Variants in CPA6 observed in about 807,000 individuals in gnomAD.
CPA6 encodes the protein carboxypeptidase A6, also known as carboxypeptidase B.
In CPA6, 58 loss-of-function variants were observed where a neutral mutation model predicts 63.3. The observed-to-expected ratio is 0.92, with a 90% confidence interval of 0.74 to 1.14. CPA6 has a LOEUF of 1.14. Ranked by LOEUF, CPA6 falls within the 50% of genes most tolerant of loss-of-function variation. The pLI, the probability that CPA6 is intolerant of heterozygous loss-of-function variation, is 0.00. For missense variants in CPA6, 565 were observed against 526.6 expected, an observed-to-expected ratio of 1.07 and a Z score of -0.71; for synonymous variants, 185 against 179.0, an observed-to-expected ratio of 1.03 and a Z score of -0.27.
intron 2 of CPA6, among the ~76,000 whole-genome samples, chr8:67,600,790 T>C (rs1814475787): frequency 6.6e-6 from 1 of 152,192 alleles, no homozygotes; most frequent in Non-Finnish European, 1.5e-5. Flanking sequence ...TAGTTGAATA[T>C]AACAAAAAAT....
chr8:67,496,529 A>G (rs1042770558), intron 6 of CPA6, among the ~76,000 whole-genome samples: 2 of 128,170 alleles, frequency 1.6e-5, no homozygotes, highest in Non-Finnish European at 3.2e-5. Flanking sequence ...TTATATATAT[A>G]TATATATATA....
At chr8:67,453,477 C>T (rs928055674) in intron 8 of CPA6, among the ~76,000 whole-genome samples, 2 of 151,924 alleles carry the variant, frequency 1.3e-5, no homozygotes, top group East Asian at 3.8e-4. Context: ...TATTAGATAC[C>T]CCCAGTGAAG....
intron 2 of CPA6, among the ~76,000 whole-genome samples, chr8:67,566,581 T>G (rs1813341320): frequency 6.6e-6 from 1 of 152,234 alleles, no homozygotes; most frequent in African/African-American, 2.4e-5. Context: ...TAGATACTTC[T>G]GCTGTCTCCT....
chr8:67,450,301 G>T (rs1344402517), intron 8 of CPA6, among the ~76,000 whole-genome samples: 2 of 152,086 alleles, frequency 1.3e-5, no homozygotes, highest in Non-Finnish European at 1.5e-5. Flanking sequence ...AACAAGTAAT[G>T]GCTCTCTATT....
chr8:67,474,788 C>T (rs1188532272), intron 8 of CPA6, among the ~76,000 whole-genome samples: 1 of 152,000 alleles, frequency 6.6e-6, no homozygotes, highest in Non-Finnish European at 1.5e-5. Flanking sequence ...CCAGCCTGGG[C>T]AATATAGTGA....
intron 1 of CPA6, among the ~76,000 whole-genome samples, chr8:67,726,380 G>GC (rs746308088): frequency 6.6e-6 from 1 of 152,114 alleles, no homozygotes; most frequent in East Asian, 1.9e-4. Flanking sequence ...AGAAAAAATA[G>GC]CCCCTAGCCT....
At chr8:67,444,043 G>C (rs568893280) in intron 8 of CPA6, among the ~76,000 whole-genome samples, 153 of 150,880 alleles carry the variant, frequency 1.0e-3, no homozygotes, top group Non-Finnish European at 2.0e-3. Flanking sequence ...CCAGGCTGGA[G>C]TGCAGTGGTG....
intron 8 of CPA6, among the ~76,000 whole-genome samples, chr8:67,468,493 G>A (rs1481551916): frequency 6.6e-6 from 1 of 151,950 alleles, no homozygotes; most frequent in Non-Finnish European, 1.5e-5. Flanking sequence ...GGCTGAGGCA[G>A]GAGAATCGCT....
At chr8:67,716,599 G>C (rs1251367962) in intron 1 of CPA6, among the ~76,000 whole-genome samples, 1 of 152,212 alleles carries the variant, frequency 6.6e-6, no homozygotes, top group Non-Finnish European at 1.5e-5. Context: ...AAGATGAACA[G>C]AAGAATGGCT....
In CPA6 at chr8:67,422,428, T is replaced by C; in HGVS notation, c.*76A>G. 1 of 1,334,048 alleles carries C rather than the reference T, an allele frequency of 7.5e-7. No homozygotes were observed. The highest frequency in any genetic ancestry group is 1.0e-6 in the Non-Finnish European group (1 of 959,356). The allele number at this position is 1,334,048 out of a possible 1,614,324, so 82.6% of individuals were successfully genotyped here. A position where few individuals can be genotyped will look rare whatever the true frequency, so the allele number is the denominator to read the frequency against. ...CACTCTAAGCAGCTGCCCTTCTCTTTGAAAACAATTTCTATCCAGGGCCAA... is the reference window on the plus strand; with the variant it reads ...CACTCTAAGCAGCTGCCCTTCTCTTCGAAAACAATTTCTATCCAGGGCCAA... On this transcript the variant is annotated 3_prime_UTR_variant, in exon 11 of 11. Transcript: ENST00000297770.
chr8:67,633,680 C>CAA (rs35134242), intron 1 of CPA6, among the ~76,000 whole-genome samples: 8,481 of 111,784 alleles, frequency 0.076, 368 homozygotes, highest in South Asian at 0.15. Context: ...GACTCCGTCT[C>CAA]AAAAAAAAAA....
chr8:67,429,667 G>T (rs1254998587), intron 9 of CPA6: 1 of 152,156 alleles, frequency 6.6e-6, no homozygotes, highest in East Asian at 1.9e-4. Flanking sequence ...TATGGAGATT[G>T]TTCTAAGATT....
intron 2 of CPA6, among the ~76,000 whole-genome samples, chr8:67,614,151 G>A (rs1814880709): frequency 1.3e-5 from 2 of 152,194 alleles, no homozygotes. Flanking sequence ...AGCTGCAGAT[G>A]GCAAAGCTGA....
intron 6 of CPA6, among the ~76,000 whole-genome samples, chr8:67,503,588 G>T (rs1178578542): frequency 6.6e-6 from 1 of 151,286 alleles, no homozygotes; most frequent in Non-Finnish European, 1.5e-5. Context: ...GATTACAGGT[G>T]TGAGCCACCA....
At chr8:67,636,084 G>A (rs979594347) in intron 1 of CPA6, among the ~76,000 whole-genome samples, 2 of 151,604 alleles carry the variant, frequency 1.3e-5, no homozygotes, top group Middle Eastern at 3.2e-3. Context: ...ACTTTTGTTG[G>A]TTTGGGGGTA....
chr8:67,434,058 T>C lies in CPA6; in HGVS notation c.1021A>G (p.Ile341Val), dbSNP rs766177388. Reference sequence around the variant, plus strand: ...CTTACCACACATCTAAAATTGGGAATTGTTGCATATTTGTAAGAATAGGGA... The same window carrying C: ...CTTACCACACATCTAAAATTGGGAACTGTTGCATATTTGTAAGAATAGGGA... ...LYPYSYKYAT[I>V]PNFRCVESAA... Residue 341 changes from isoleucine (I) to valine (V), a missense_variant, in exon 9 of 11, where the codon ATT (isoleucine) becomes GTT (valine). Coordinates refer to ENST00000297770, the MANE Select transcript of CPA6 (RefSeq NM_020361.5). 7.8e-5 allele frequency: 125 copies of C among 1,612,498 alleles called. No homozygotes were observed. The highest frequency in any genetic ancestry group is 5.5e-4 in the Middle Eastern group (3 of 5,426).
Position 67,668,484 on chromosome 8 carries a change from T to G in CPA6, c.117-44233A>C, listed in dbSNP as rs185537799. On this transcript the variant is annotated intron_variant, in intron 1 of 10. Coordinates refer to ENST00000297770, the MANE Select transcript of CPA6 (RefSeq NM_020361.5). Reference sequence around the variant, plus strand: ...TCCAAGTTATGATAGTTAGAATTATTTATAAAGGCAGAGCCAGCTCTTTCT... The same window carrying G: ...TCCAAGTTATGATAGTTAGAATTATGTATAAAGGCAGAGCCAGCTCTTTCT... Among the ~76,000 whole-genome samples, 10 of 152,350 alleles carry G rather than the reference T, an allele frequency of 6.6e-5. No individual in the cohort carries two copies. In the East Asian group the frequency reaches 1.9e-3, roughly 29 times the overall value.
At chr8:67,475,110 A>G (rs951625993) in intron 8 of CPA6, among the ~76,000 whole-genome samples, 2 of 152,216 alleles carry the variant, frequency 1.3e-5, no homozygotes, top group Admixed American at 6.5e-5. Context: ...CAACATTTAA[A>G]ATAAGAGTGA....
At chr8:67,521,547 A>G (rs1219795001) in intron 2 of CPA6, among the ~76,000 whole-genome samples, 1 of 152,226 alleles carries the variant, frequency 6.6e-6, no homozygotes, top group Non-Finnish European at 1.5e-5. Context: ...TATTATTGCT[A>G]TTTGAAAAGC....
Sources: allele counts gnomAD v4.1 joint callset (sites outside exome capture counted in the v4.1 genomes callset), GRCh38; gene constraint gnomAD v4.1.1; transcripts MANE v1.5; gene names NCBI Gene and HGNC (gene_info 2026-07-23, HGNC 2026-07-21).